Variants in INPP4B observed in about 807,000 individuals in gnomAD.
INPP4B encodes inositol polyphosphate-4-phosphatase type II B, also known as inositol polyphosphate 4-phosphatase type II.
Under a neutral mutation model 122.5 loss-of-function variants are expected in INPP4B, and 55 were observed. The observed-to-expected ratio is 0.45, with a 90% CI of 0.36 to 0.56. INPP4B has a LOEUF of 0.56. Among genes scored for constraint, INPP4B ranks in the 20% least tolerant of loss-of-function variants. The pLI is 0.00. For missense variants in INPP4B, 1,000 were observed against 1,097.7 expected (o/e 0.91, Z 1.26); for synonymous variants, 403 against 388.7 (o/e 1.04, Z -0.43).
At chr4:142,293,754 T>G (rs1757415011) in intron 9 of INPP4B, among the ~76,000 whole-genome samples, 1 of 152,138 alleles carries the variant, frequency 6.6e-6, no homozygotes, top group Non-Finnish European at 1.5e-5. Flanking sequence ...CATTTAACGG[T>G]TTAGGGTAGA....
At chr4:142,343,650 C>T (rs1267102423) in intron 7 of INPP4B, among the ~76,000 whole-genome samples, 3 of 151,988 alleles carry the variant, frequency 2.0e-5, no homozygotes, top group Non-Finnish European at 4.4e-5. Flanking sequence ...AAAATCATCC[C>T]TTTTATGATT....
chr4:142,612,416 T>C (rs545112650), intron 2 of INPP4B, among the ~76,000 whole-genome samples: 2 of 152,362 alleles, frequency 1.3e-5, no homozygotes, highest in South Asian at 4.1e-4. Flanking sequence ...CTTTATGTCT[T>C]AGTCCTTCTT....
chr4:142,465,899 C>G (rs1817667737), intron 2 of INPP4B, among the ~76,000 whole-genome samples: 1 of 152,172 alleles, frequency 6.6e-6, no homozygotes, highest in African/African-American at 2.4e-5. Context: ...TTGCCTTCCA[C>G]CATAATTGGA....
At chr4:142,384,658 C>G (rs1282649353) in intron 7 of INPP4B, among the ~76,000 whole-genome samples, 8 of 152,162 alleles carry the variant, frequency 5.3e-5, no homozygotes, top group Non-Finnish European at 1.0e-4. Context: ...CTGTATATCT[C>G]TTGATTATAA....
At position 142,663,252 on chromosome 4, in the gene INPP4B, G is replaced by A. The variant is rs78742897; in HGVS notation, c.-191+62587C>T. ...TTTTGTTTATCTGTTAAAAGGTCAC[G>A]TCAGAAAAAAAGTTACATCTCTTTA... On this transcript the variant is annotated intron_variant, in intron 2 of 25. Coordinates refer to ENST00000262992, the MANE Select transcript of INPP4B (RefSeq NM_001101669.3). Among the ~76,000 whole-genome samples the A allele has an allele frequency of 7.0e-3, 1,059 of 152,020 alleles. 16 individuals carry two copies. The highest frequency in any genetic ancestry group is 0.024 in the African/African-American group (991 of 41,506).
At chr4:142,214,712 C>G (rs1427730711) in intron 12 of INPP4B, among the ~76,000 whole-genome samples, 1 of 152,118 alleles carries the variant, frequency 6.6e-6, no homozygotes, top group African/African-American at 2.4e-5. Flanking sequence ...GCCATCACGC[C>G]TGGCTAATCT....
intron 1 of INPP4B, among the ~76,000 whole-genome samples, chr4:142,744,314 A>G (rs1012533309): frequency 6.6e-6 from 1 of 151,886 alleles, no homozygotes; most frequent in Non-Finnish European, 1.5e-5. Context: ...GAAATGGGGG[A>G]CAATATCCAA....
chr4:142,188,738 A>ACT (rs1413958070), intron 15 of INPP4B, among the ~76,000 whole-genome samples: 2 of 151,608 alleles, frequency 1.3e-5, no homozygotes, highest in Admixed American at 1.3e-4. Context: ...CTTTCAAATC[A>ACT]CTCTCTCTCT....
chr4:142,671,986 A>G (rs191582184), intron 2 of INPP4B, among the ~76,000 whole-genome samples: 22 of 152,282 alleles, frequency 1.4e-4, no homozygotes, highest in African/African-American at 4.6e-4. Flanking sequence ...TGTCTTTTCC[A>G]GAATGGAATC....
At chr4:142,188,518 A>AAAATATATATAT (rs1834267141) in intron 15 of INPP4B, among the ~76,000 whole-genome samples, 8 of 105,096 alleles carry the variant, frequency 7.6e-5, no homozygotes, top group African/African-American at 2.0e-4. Context: ...AAAGAAAAAA[A>AAAATATATATAT]ATATATATAG....
intron 18 of INPP4B, among the ~76,000 whole-genome samples, chr4:142,130,927 G>C (rs1800949349): frequency 6.6e-6 from 1 of 152,140 alleles, no homozygotes; most frequent in South Asian, 2.1e-4. Flanking sequence ...AAATAGCAAA[G>C]GAAATGCAAC....
At chr4:142,127,655 T>C (rs1360881148) in intron 18 of INPP4B, among the ~76,000 whole-genome samples, 1 of 152,166 alleles carries the variant, frequency 6.6e-6, no homozygotes, top group Non-Finnish European at 1.5e-5. Context: ...ATCAGGACAA[T>C]GACAATATCG....
intron 2 of INPP4B, among the ~76,000 whole-genome samples, chr4:142,698,291 C>T (rs1344483854): frequency 6.6e-6 from 1 of 151,570 alleles, no homozygotes; most frequent in Non-Finnish European, 1.5e-5. Flanking sequence ...AATTATTTCT[C>T]ATAGAAAAAA....
intron 15 of INPP4B, among the ~76,000 whole-genome samples, chr4:142,174,438 T>C (rs1827066044): frequency 6.6e-6 from 1 of 152,088 alleles, no homozygotes; most frequent in Non-Finnish European, 1.5e-5. Context: ...TAAATTTTAA[T>C]AGCTGAGAAA....
chr4:142,608,112 G>A (rs1266546968), intron 2 of INPP4B, among the ~76,000 whole-genome samples: 4 of 152,086 alleles, frequency 2.6e-5, no homozygotes, highest in Non-Finnish European at 5.9e-5. Context: ...TTAAATAAAT[G>A]AATGAATCAT....
intron 7 of INPP4B, among the ~76,000 whole-genome samples, chr4:142,382,588 T>C (rs1194297899): frequency 7.0e-6 from 1 of 141,864 alleles, no homozygotes; most frequent in Non-Finnish European, 1.5e-5. Context: ...ATTATATATA[T>C]ACTATAAATA....
At chr4:142,667,715 T>C (rs1756358108) in intron 2 of INPP4B, among the ~76,000 whole-genome samples, 1 of 152,162 alleles carries the variant, frequency 6.6e-6, no homozygotes, top group Non-Finnish European at 1.5e-5. Context: ...TATAAGGCTA[T>C]TGAGATAATG....
intron 2 of INPP4B, among the ~76,000 whole-genome samples, chr4:142,521,232 T>C (rs1826028351): frequency 6.6e-6 from 1 of 151,914 alleles, no homozygotes. Context: ...AAAATATCCA[T>C]GAGTTGTTAA....
rs186209946 is a variant in INPP4B, at chr4:142,390,565, A to G, written c.372+12373T>C. 1.1e-3 allele frequency among the ~76,000 whole-genome samples: 165 copies of G among 152,306 alleles called. 2 individuals are homozygous for G. Among genetic ancestry groups the G allele is most frequent in the African/African-American group, 3.9e-3 (162 of 41,584 alleles). On this transcript the variant is annotated intron_variant, in intron 7 of 25. Coordinates refer to ENST00000262992, the MANE Select transcript of INPP4B (RefSeq NM_001101669.3). ...AGATGCTACAGAGGGCCCCTAAAAC[A>G]TTCAAAAGAGAGGTAAATAGGATTA...
Sources: allele counts gnomAD v4.1 joint callset (sites outside exome capture counted in the v4.1 genomes callset), GRCh38; gene constraint gnomAD v4.1.1; transcripts MANE v1.5; gene names NCBI Gene and HGNC (gene_info 2026-07-23, HGNC 2026-07-21).